The following TNS1 variants were observed in gnomAD, a reference collection of about 807,000 sequenced individuals.
TNS1 encodes tensin-1.
TNS1 carries 62 observed loss-of-function variants against 168.6 expected under a neutral mutation model. That is an observed-to-expected ratio of 0.37 (90% CI 0.30 to 0.45). The LOEUF (loss-of-function observed/expected upper bound fraction) is 0.45, where lower values mean the gene tolerates loss of function less well. TNS1 is among the 20% of genes least tolerant of loss of function. TNS1 has a pLI of 1.00. For synonymous variants in TNS1, 934 were observed against 933.2 expected (o/e 1.00, Z -0.02); for missense variants, 2,240 against 2,339.4 (o/e 0.96, Z 0.88).
chr2:217,990,493 A>G (rs1487877184), intron 2 of TNS1, among the ~76,000 whole-genome samples: 1 of 150,708 alleles, frequency 6.6e-6, no homozygotes, highest in Non-Finnish European at 1.5e-5. Context: ...TCCACATGCC[A>G]GCCACATACC....
chr2:217,874,669 G>A (rs1950063797), intron 18 of TNS1, among the ~76,000 whole-genome samples: 1 of 152,210 alleles, frequency 6.6e-6, no homozygotes, highest in Non-Finnish European at 1.5e-5. Context: ...CTAAAATCAT[G>A]TCTGTATCTT....
chr2:217,973,549 T>G (rs962312418), intron 3 of TNS1, among the ~76,000 whole-genome samples: 1 of 152,210 alleles, frequency 6.6e-6, no homozygotes. Context: ...TGAACTACAG[T>G]AAGATTCCTG....
chr2:217,890,666 C>G, intron 12 of TNS1: 1 of 467,968 alleles, frequency 2.1e-6, no homozygotes, highest in Non-Finnish European at 3.9e-6. Flanking sequence ...ACATGCCTTC[C>G]TAGACCAGCG....
chr2:217,931,246 A>C (rs1345830367), intron 3 of TNS1, among the ~76,000 whole-genome samples: 1 of 152,210 alleles, frequency 6.6e-6, no homozygotes, highest in Non-Finnish European at 1.5e-5. Flanking sequence ...TTTTCCACCC[A>C]GAGCGAGGCT....
Position 217,997,765 on chromosome 2 carries a change from G to A in TNS1, c.33+5075C>T, listed in dbSNP as rs1958497270. Among the ~76,000 whole-genome samples, 4 of 152,348 alleles carry A rather than the reference G, an allele frequency of 2.6e-5. 1 individual carries two copies. The South Asian group carries it at 8.3e-4, about 32-fold the overall frequency. ...GGATGAAATGAGATTATGCCGTAAA[G>A]TCGGTGGAATGGGGCCTGGCGCATG... On this transcript the variant is annotated intron_variant, in intron 1 of 32. Coordinates refer to ENST00000682258, the MANE Select transcript of TNS1 (RefSeq NM_001387777.1).
chr2:217,942,653 C>T (rs566038460), intron 3 of TNS1, among the ~76,000 whole-genome samples: 1 of 152,290 alleles, frequency 6.6e-6, no homozygotes, highest in Non-Finnish European at 1.5e-5. Context: ...TCCCCCTACA[C>T]CTTCCCCACT....
chr2:217,903,451 C>T (rs1345702831), intron 6 of TNS1, among the ~76,000 whole-genome samples: 1 of 152,200 alleles, frequency 6.6e-6, no homozygotes, highest in Non-Finnish European at 1.5e-5. Flanking sequence ...TCTCTGCCTG[C>T]CTGTAATCCT....
At chr2:217,893,363 C>T (rs1021539917) in intron 10 of TNS1, 76 bp downstream of exon 10, 2 of 1,503,690 alleles carry the variant, frequency 1.3e-6, no homozygotes, top group African/African-American at 1.4e-5. Context: ...TCCAAGGACA[C>T]ATTCAGGCAC....
Position 217,818,664 on chromosome 2 carries a change from C to T in TNS1, c.3668G>A (p.Ser1223Asn), listed in dbSNP as rs2125163883. The T allele has an allele frequency of 6.2e-7, 1 of 1,614,218 alleles. No individual in the cohort carries two copies. The highest frequency in any genetic ancestry group is 2.2e-5 in the East Asian group (1 of 44,880). The part of the protein sequence containing the change: ...PLLESGFRSG[S>N]LGQPSPSAQR... ...GGCAGACGGGCTGGGCTGTCCCAGG[C>T]TGCCTGAGCGGAAGCCAGACTCCAA... Residue 1223 changes from serine to asparagine, a missense_variant, in exon 24 of 33, where the codon AGC (serine) becomes AAC (asparagine). Ser to Asn is a conservative substitution (Grantham distance 46). Coordinates refer to ENST00000682258, the MANE Select transcript of TNS1 (RefSeq NM_001387777.1).
intron 1 of TNS1, among the ~76,000 whole-genome samples, chr2:217,998,987 C>T (rs1390566941): frequency 1.3e-5 from 2 of 152,134 alleles, no homozygotes; most frequent in Non-Finnish European, 2.9e-5. Flanking sequence ...CATAATAATC[C>T]GTGAAAAGGA....
chr2:217,887,606 C>G (rs1202980520), intron 12 of TNS1, among the ~76,000 whole-genome samples: 1 of 152,186 alleles, frequency 6.6e-6, no homozygotes, highest in African/African-American at 2.4e-5. Flanking sequence ...CCGCACCCAG[C>G]CAACATCCCC....
intron 20 of TNS1, 34 bp downstream of exon 20, chr2:217,835,981 C>T (rs770215549): frequency 1.3e-6 from 2 of 1,577,944 alleles, no homozygotes; most frequent in Non-Finnish European, 8.7e-7. Context: ...CACCACTACC[C>T]TCCATAGCCC....
At chr2:217,965,035 A>AT (rs569047357) in intron 3 of TNS1, among the ~76,000 whole-genome samples, 134 of 152,260 alleles carry the variant, frequency 8.8e-4, no homozygotes, top group African/African-American at 2.8e-3. Flanking sequence ...ACTGCAGGGG[A>AT]GGGGAATACA....
In TNS1 at chr2:217,959,180, C is replaced by T. The variant is rs80189891; in HGVS notation, c.186+19585G>A. On this transcript the variant is annotated intron_variant, in intron 3 of 32. Coordinates refer to ENST00000682258, the MANE Select transcript of TNS1 (RefSeq NM_001387777.1). The stretch of plus-strand genomic sequence containing the variant: ...CTTCACCTCTCTGAGCCTCAGTTTC[C>T]CCCTCCTCCCCACCTTACTTTCTCT... 2.6e-3 allele frequency among the ~76,000 whole-genome samples: 395 copies of T among 152,320 alleles called. 1 individual carries two copies. The highest frequency in any genetic ancestry group is 9.1e-3 in the African/African-American group (379 of 41,564).
chr2:217,951,059 C>A (rs888452584), intron 3 of TNS1, among the ~76,000 whole-genome samples: 1 of 152,198 alleles, frequency 6.6e-6, no homozygotes, highest in African/African-American at 2.4e-5. Context: ...ATAATCATCA[C>A]CTTGCTCCAC....
At chr2:217,869,533 G>T (rs1949582689) in intron 18 of TNS1, among the ~76,000 whole-genome samples, 1 of 152,164 alleles carries the variant, frequency 6.6e-6, no homozygotes, top group Non-Finnish European at 1.5e-5. Context: ...GCCAGGGGTG[G>T]CATCAACCCA....
chr2:218,033,185 T>C lies in TNS1; in HGVS notation c.156+635A>G, dbSNP rs1958913466. ...GGTGACCCCAAACACCTCCTCCTAC[T>C]CTCCCAGGAAGAAACCAGCACCACA... On this transcript the variant is annotated intron_variant, in intron 1 of 1. Transcript: ENST00000649572. The surrounding 1 kb of genome is among the most constrained non-coding windows in gnomAD (Gnocchi z 4.3). 6.6e-6 allele frequency among the ~76,000 whole-genome samples: 1 copy of C among 151,978 alleles called. No individual in the cohort carries two copies. The highest frequency in any genetic ancestry group is 6.6e-5 in the Admixed American group (1 of 15,262).
Position 217,801,495 on chromosome 2 carries a change from A to G in TNS1, c.*2964T>C, listed in dbSNP as rs886953397. The G allele has an allele frequency of 1.3e-5, 2 of 152,252 alleles. No homozygotes were observed. Among genetic ancestry groups the G allele is most frequent in the African/African-American group, 4.8e-5 (2 of 41,448 alleles). 9.4% of individuals were successfully genotyped at this position (152,252 alleles called of 1,614,324 possible). On this transcript the variant is annotated 3_prime_UTR_variant, in exon 33 of 33. Transcript: ENST00000682258. Reference sequence around the variant, plus strand: ...GGCTCTTTGTTGCCCATCTTCTCCCAGACCCTTTCCCATCCCAGCCCATGT... The same window carrying G: ...GGCTCTTTGTTGCCCATCTTCTCCCGGACCCTTTCCCATCCCAGCCCATGT...
chr2:217,957,058 G>A (rs576401894), intron 3 of TNS1, among the ~76,000 whole-genome samples: 13 of 152,204 alleles, frequency 8.5e-5, no homozygotes, highest in Non-Finnish European at 1.6e-4. Flanking sequence ...AGCACAGGCT[G>A]GGGGCACGAG....
Sources: allele counts gnomAD v4.1 joint callset (sites outside exome capture counted in the v4.1 genomes callset), GRCh38; gene constraint gnomAD v4.1.1; non-coding constraint Gnocchi (gnomAD v3.1); transcripts MANE v1.5; gene names NCBI Gene and HGNC (gene_info 2026-07-23, HGNC 2026-07-21).